RNF217: variants seen among roughly 807,000 people sequenced by gnomAD.
RNF217 encodes E3 ubiquitin-protein ligase RNF217.
RNF217 carries 31 observed loss-of-function variants against 57.8 expected under a neutral mutation model. The ratio of observed to expected loss-of-function variants is 0.54; its 90% CI spans 0.40 to 0.72. RNF217 has a LOEUF of 0.72. Among genes scored for constraint, RNF217 ranks in the 30% least tolerant of loss-of-function variants. The pLI is 0.00. For synonymous variants in RNF217, 313 were observed against 294.0 expected, an observed-to-expected ratio of 1.06 and a Z score of -0.66; for missense variants, 696 against 708.3, an observed-to-expected ratio of 0.98 and a Z score of 0.20.
chr6:125,025,737 T>G (rs1322923010), intron 1 of RNF217, among the ~76,000 whole-genome samples: 1 of 103,904 alleles, frequency 9.6e-6, no homozygotes, highest in African/African-American at 4.0e-5. Context: ...GAAGGTGTTC[T>G]AGGGAGGGAG....
Position 124,962,874 on chromosome 6 carries a change from AGAG to A in RNF217, c.336_338del (p.Glu113del). ...CACTGCAGTTGGAGCTGGAGGAGGA[AGAG>A]GAGGAAGCTGGGGATCGAAAAGAGG... On this transcript the variant is annotated inframe_deletion, in exon 1 of 6. Transcript: ENST00000521654. The surrounding 1 kb of genome is among the most constrained non-coding windows in gnomAD (Gnocchi z 4.6). 1 of 1,597,976 alleles carries A rather than the reference AGAG, an allele frequency of 6.3e-7. No homozygotes were observed. Among genetic ancestry groups the A allele is most frequent in the African/African-American group, 1.3e-5 (1 of 75,026 alleles).
chr6:124,997,425 A>G (rs1192905613), intron 1 of RNF217, among the ~76,000 whole-genome samples: 1 of 150,144 alleles, frequency 6.7e-6, no homozygotes, highest in Non-Finnish European at 1.5e-5. Flanking sequence ...CATATGCGAA[A>G]GTGACTGTAA....
At chr6:125,061,422 T>G (rs1037236405) in intron 3 of RNF217, among the ~76,000 whole-genome samples, 1 of 151,760 alleles carries the variant, frequency 6.6e-6, no homozygotes, top group African/African-American at 2.4e-5. Context: ...TGAATATAAA[T>G]TCATGTATTT....
chr6:124,982,454 G>T (rs1784213693), intron 1 of RNF217, among the ~76,000 whole-genome samples: 1 of 151,838 alleles, frequency 6.6e-6, no homozygotes, highest in African/African-American at 2.4e-5. Context: ...CAGATACTTG[G>T]ATATTTTCTA....
chr6:125,028,055 T>C (rs763883080), intron 1 of RNF217, among the ~76,000 whole-genome samples: 12 of 152,162 alleles, frequency 7.9e-5, no homozygotes, highest in Non-Finnish European at 1.5e-4. Context: ...AGTTTGAAAA[T>C]ACTTTCTCCC....
At chr6:125,008,404 G>A (rs942583730) in intron 1 of RNF217, among the ~76,000 whole-genome samples, 1 of 152,154 alleles carries the variant, frequency 6.6e-6, no homozygotes, top group Admixed American at 6.6e-5. Flanking sequence ...TTAGAAAGAA[G>A]TTAAGCATTA....
chr6:124,981,574 A>T (rs1784162184), intron 1 of RNF217, among the ~76,000 whole-genome samples: 1 of 152,144 alleles, frequency 6.6e-6, no homozygotes, highest in African/African-American at 2.4e-5. Context: ...GGCTCAGTGA[A>T]TCTGCCTTTT....
At chr6:125,028,521 C>G (rs1486088518) in intron 1 of RNF217, among the ~76,000 whole-genome samples, 1 of 152,006 alleles carries the variant, frequency 6.6e-6, no homozygotes, top group Non-Finnish European at 1.5e-5. Context: ...TGGAACTACA[C>G]TGAGTTTCTC....
chr6:125,075,715 T>C (rs1186980718), intron 3 of RNF217, among the ~76,000 whole-genome samples: 1 of 152,146 alleles, frequency 6.6e-6, no homozygotes, highest in East Asian at 1.9e-4. Context: ...GATTAAATAA[T>C]GTTAAGTTAA....
chr6:125,009,402 C>T (rs1785332173), intron 1 of RNF217: 1 of 635,720 alleles, frequency 1.6e-6, no homozygotes, highest in Non-Finnish European at 2.8e-6. Flanking sequence ...TAGATTTTTT[C>T]ACTTTCCTTG....
At chr6:125,034,013 A>G (rs1378515026) in intron 1 of RNF217, among the ~76,000 whole-genome samples, 1 of 151,760 alleles carries the variant, frequency 6.6e-6, no homozygotes, top group African/African-American at 2.4e-5. Flanking sequence ...GTGTCTGTTC[A>G]TATCCTTTGC....
At chr6:125,011,972 G>A (rs1049268985) in intron 1 of RNF217, among the ~76,000 whole-genome samples, 1 of 151,964 alleles carries the variant, frequency 6.6e-6, no homozygotes, top group South Asian at 2.1e-4. Context: ...CTGGCCAGAT[G>A]CATCTTTAAA....
At chr6:125,009,370 A>G in intron 1 of RNF217, 1 of 843,470 alleles carries the variant, frequency 1.2e-6, no homozygotes, top group Middle Eastern at 2.2e-4. Flanking sequence ...AAGCCCTCTC[A>G]CAGACATAGA....
Position 125,086,741 on chromosome 6 carries a change from G to A in RNF217, c.*3804G>A, listed in dbSNP as rs1788781702. ...GCTATTGTGTCCTAAGAGTAGAACAGACAAGAAAACAAAGATAATTAAACA... is the reference window on the plus strand; with the variant it reads ...GCTATTGTGTCCTAAGAGTAGAACAAACAAGAAAACAAAGATAATTAAACA... On this transcript the variant is annotated 3_prime_UTR_variant, in exon 6 of 6. Transcript: ENST00000521654. 6.6e-6 allele frequency: 1 copy of A among 152,006 alleles called. No homozygotes were observed. The highest frequency in any genetic ancestry group is 1.5e-5 in the Non-Finnish European group (1 of 67,974). The allele number at this position is 152,006 out of a possible 1,614,324, so 9.4% of individuals were successfully genotyped here.
chr6:125,015,268 T>A (rs1723011324), intron 1 of RNF217, among the ~76,000 whole-genome samples: 1 of 152,182 alleles, frequency 6.6e-6, no homozygotes, highest in Non-Finnish European at 1.5e-5. Flanking sequence ...GTAAAATATA[T>A]CTTCATTAGA....
chr6:125,067,056 A>C (rs979458066), intron 3 of RNF217, among the ~76,000 whole-genome samples: 1 of 152,144 alleles, frequency 6.6e-6, no homozygotes, highest in East Asian at 1.9e-4. Context: ...AATCCAAGGG[A>C]GCTAGGTTGT....
chr6:125,083,018 G>C lies in RNF217; in HGVS notation c.*81G>C. 1.1e-6 allele frequency: 1 copy of C among 902,926 alleles called. No homozygotes were observed. The highest frequency in any genetic ancestry group is 1.6e-6 in the Non-Finnish European group (1 of 608,276). 55.9% of individuals were successfully genotyped at this position (902,926 alleles called of 1,614,324 possible). A position where few individuals can be genotyped will look rare whatever the true frequency, so the allele number is the denominator to read the frequency against. On this transcript the variant is annotated 3_prime_UTR_variant, in exon 6 of 6. Transcript: ENST00000521654. ...TACACCCATCTGTGAGTCACATCTTGAAAAACACTGAGAGGAACCTTCTAC... is the reference window on the plus strand; with the variant it reads ...TACACCCATCTGTGAGTCACATCTTCAAAAACACTGAGAGGAACCTTCTAC...
chr6:125,013,335 C>T (rs1785480482), intron 1 of RNF217, among the ~76,000 whole-genome samples: 1 of 138,766 alleles, frequency 7.2e-6, no homozygotes, highest in African/African-American at 2.8e-5. Context: ...AAGGTAGGTG[C>T]TTGCATGTTT....
rs920582846 is a variant in RNF217 at position 125,091,297 on chromosome 6, G to T, written c.*8360G>T. ...TTCCATATGGTGCTTTGTGTGATGA[G>T]TATATAACATTCATATACGTTATTA... On this transcript the variant is annotated 3_prime_UTR_variant, in exon 6 of 6. Transcript: ENST00000521654. 3.3e-5 allele frequency: 5 copies of T among 151,990 alleles called. No individual in the cohort carries two copies. The highest frequency in any genetic ancestry group is 1.2e-4 in the African/African-American group (5 of 41,414). The allele number at this position is 151,990 out of a possible 1,614,324, so 9.4% of individuals were successfully genotyped here. A position where few individuals can be genotyped will look rare whatever the true frequency, so the allele number is the denominator to read the frequency against.
Sources: gnomAD v4.1 joint callset for allele counts (sites outside exome capture counted in the v4.1 genomes callset) on GRCh38, gnomAD v4.1.1 for gene constraint, Gnocchi (gnomAD v3.1) non-coding constraint, MANE v1.5 for transcripts, NCBI Gene and HGNC (gene_info 2026-07-23, HGNC 2026-07-21) for gene names.